ITGA8: variants seen among roughly 807,000 people sequenced by gnomAD.
ITGA8 encodes the protein integrin alpha-8.
In ITGA8, 91 loss-of-function variants were observed where a neutral mutation model predicts 142.3. The observed-to-expected ratio is 0.64, with a 90% CI of 0.54 to 0.76. ITGA8 has a LOEUF of 0.76. Ranked by LOEUF, ITGA8 falls within the 30% of genes least tolerant of loss-of-function variation. The pLI, the probability that ITGA8 is intolerant of heterozygous loss-of-function variation, is 0.00. For synonymous variants in ITGA8, 505 were observed against 485.2 expected (o/e 1.04, Z -0.54); for missense variants, 1,406 against 1,327.7 (o/e 1.06, Z -0.92).
At chr10:15,587,454 G>A (rs1157596942) in intron 22 of ITGA8, among the ~76,000 whole-genome samples, 3 of 152,166 alleles carry the variant, frequency 2.0e-5, no homozygotes, top group Non-Finnish European at 4.4e-5. Flanking sequence ...TTGGCTCTGG[G>A]ATGCATCATA....
chr10:15,587,248 A>G (rs1203109109), intron 22 of ITGA8, among the ~76,000 whole-genome samples: 1 of 152,188 alleles, frequency 6.6e-6, no homozygotes, highest in African/African-American at 2.4e-5. Context: ...AAATGGCTAA[A>G]CCAAAAATGT....
intron 6 of ITGA8, among the ~76,000 whole-genome samples, chr10:15,677,314 A>G (rs749787855): frequency 1.4e-4 from 21 of 152,248 alleles, no homozygotes; most frequent in Admixed American, 7.2e-4. Flanking sequence ...CAAATGATCA[A>G]TGTTTGAGGT....
intron 25 of ITGA8, among the ~76,000 whole-genome samples, chr10:15,570,723 T>A (rs1036245998): frequency 7.9e-5 from 12 of 151,308 alleles, no homozygotes; most frequent in Non-Finnish European, 1.3e-4. Context: ...AGACAAGTCA[T>A]CTATTAATAC....
chr10:15,670,714 G>A (rs1834495997), intron 8 of ITGA8, among the ~76,000 whole-genome samples: 1 of 152,078 alleles, frequency 6.6e-6, no homozygotes, highest in African/African-American at 2.4e-5. Flanking sequence ...AAGCATGATT[G>A]CATTATATTT....
chr10:15,539,105 G>T, intron 27 of ITGA8, among the ~76,000 whole-genome samples: 1 of 152,046 alleles, frequency 6.6e-6, no homozygotes, highest in East Asian at 1.9e-4. Flanking sequence ...CTGCTTTGGG[G>T]TGTGTGCTTG....
At chr10:15,654,434 G>A (rs778477937) in intron 11 of ITGA8, among the ~76,000 whole-genome samples, 1 of 152,120 alleles carries the variant, frequency 6.6e-6, no homozygotes, top group Non-Finnish European at 1.5e-5. Flanking sequence ...TATGTTCAAT[G>A]AAAGAATAAT....
At chr10:15,718,316 G>A (rs1217092545) in intron 2 of ITGA8, among the ~76,000 whole-genome samples, 3 of 152,198 alleles carry the variant, frequency 2.0e-5, no homozygotes, top group African/African-American at 7.2e-5. Context: ...CAGCAACGCG[G>A]AGTGATGTCT....
intron 3 of ITGA8, among the ~76,000 whole-genome samples, chr10:15,685,961 A>C (rs932675243): frequency 1.3e-5 from 2 of 152,224 alleles, no homozygotes; most frequent in Admixed American, 6.5e-5. Context: ...AAATGCATAT[A>C]AAACATTAGC....
intron 4 of ITGA8, among the ~76,000 whole-genome samples, chr10:15,683,118 TC>T (rs1244633540): frequency 3.9e-5 from 6 of 152,174 alleles, no homozygotes; most frequent in Admixed American, 1.3e-4. Context: ...CCTAGAATCT[TC>T]TTTCTACTAC....
rs1263552799 is a variant in ITGA8 at position 15,677,580 on chromosome 10, A to G, written c.676+12T>C. On this transcript the variant is annotated intron_variant, in intron 6 of 29. Transcript: ENST00000378076. Reference sequence around the variant, plus strand: ...AACAAATGTGCTTTTCTTGTCTGCCAACAGAACATACCTTGCCAGTAGAAA... The same window carrying G: ...AACAAATGTGCTTTTCTTGTCTGCCGACAGAACATACCTTGCCAGTAGAAA... 6 of 1,612,080 alleles carry G rather than the reference A, an allele frequency of 3.7e-6. No individual in the cohort carries two copies. The East Asian group carries it at 6.7e-5, about 18-fold the overall frequency.
rs1448222197 is a variant in ITGA8, at chr10:15,685,344, CCAG to C, written c.445-1220_445-1218del. Among the ~76,000 whole-genome samples, 3 of 152,310 alleles carry C rather than the reference CCAG, an allele frequency of 2.0e-5. No homozygotes were observed. In the East Asian group the frequency reaches 5.8e-4, roughly 29 times the overall value. On this transcript the variant is annotated intron_variant, in intron 3 of 29. Coordinates refer to ENST00000378076, the MANE Select transcript of ITGA8 (RefSeq NM_003638.3). Reference sequence around the variant, plus strand: ...GAAACAAAATGTCCTATGCTTATTTCCAGCTAACATATAGAGTGGTAAATTAAA... The same window carrying C: ...GAAACAAAATGTCCTATGCTTATTTCCTAACATATAGAGTGGTAAATTAAA...
chr10:15,702,594 G>A (rs1436811002), intron 2 of ITGA8, among the ~76,000 whole-genome samples: 1 of 152,034 alleles, frequency 6.6e-6, no homozygotes, highest in Non-Finnish European at 1.5e-5. Context: ...CGTGGCCCAC[G>A]TGAAGATCTT....
chr10:15,519,252 C>T (rs754399558), intron 29 of ITGA8, 38 bp downstream of exon 29: 6 of 1,609,706 alleles, frequency 3.7e-6, no homozygotes, highest in East Asian at 4.5e-5. Flanking sequence ...CTCAACAGCC[C>T]CTCTAGTTTA....
chr10:15,517,427 G>A (rs1832984596), intron 29 of ITGA8, among the ~76,000 whole-genome samples, 183 bp from the exon 30 acceptor site: 1 of 152,066 alleles, frequency 6.6e-6, no homozygotes, highest in East Asian at 1.9e-4. Context: ...CGGTTCAAGC[G>A]ATTCTCCTGC....
Position 15,718,875 on chromosome 10 carries a change from G to C in ITGA8, c.234C>G (p.Pro78=), listed in dbSNP as rs1288530695. Residue 78 remains proline (P), a synonymous_variant, in exon 2 of 30, where the codon CCC becomes CCG. Coordinates refer to ENST00000378076, the MANE Select transcript of ITGA8 (RefSeq NM_003638.3). ...TATCGGGCTGGCTGGTGTTGGCTTT[G>C]GGCGCCCCCACCAAGACACTCGCTC... ...ARTASVLVGA[P]KANTSQPDIV... The C allele has an allele frequency of 6.2e-7, 1 of 1,614,080 alleles. No homozygotes were observed. Among genetic ancestry groups the C allele is most frequent in the Non-Finnish European group, 8.5e-7 (1 of 1,180,018 alleles).
chr10:15,610,942 T>C (rs541173537), intron 15 of ITGA8, among the ~76,000 whole-genome samples: 1 of 152,328 alleles, frequency 6.6e-6, no homozygotes, highest in South Asian at 2.1e-4. Context: ...TAATATTTAT[T>C]GAGCTGGCTT....
chr10:15,604,603 A>T (rs1483069576), intron 19 of ITGA8, among the ~76,000 whole-genome samples: 1 of 147,278 alleles, frequency 6.8e-6, no homozygotes. Flanking sequence ...AAAAAAAAGG[A>T]TTGATTTATA....
intron 14 of ITGA8, among the ~76,000 whole-genome samples, chr10:15,614,189 T>A (rs1476772240): frequency 6.6e-6 from 1 of 152,224 alleles, no homozygotes; most frequent in Non-Finnish European, 1.5e-5. Context: ...AACTTTTCAT[T>A]GATAATTTTA....
intron 2 of ITGA8, among the ~76,000 whole-genome samples, chr10:15,693,066 C>CAAAAT (rs372958181): frequency 1.2e-3 from 175 of 152,128 alleles, no homozygotes; most frequent in South Asian, 4.2e-3. Flanking sequence ...GACTCTGTCT[C>CAAAAT]AAAATAAAAT....
Sources: gnomAD v4.1 joint callset for allele counts (sites outside exome capture counted in the v4.1 genomes callset) on GRCh38, gnomAD v4.1.1 for gene constraint, MANE v1.5 for transcripts, NCBI Gene and HGNC (gene_info 2026-07-23, HGNC 2026-07-21) for gene names.